The following VPS13B variants were observed in gnomAD, a reference collection of about 807,000 sequenced individuals.
VPS13B encodes the protein intermembrane lipid transfer protein VPS13B.
VPS13B carries 285 observed loss-of-function variants against 426.4 expected under a neutral mutation model. That is an observed-to-expected ratio of 0.67 (90% confidence interval 0.61 to 0.74). The LOEUF is 0.74. VPS13B is among the 30% of genes least tolerant of loss of function. VPS13B has a pLI of 0.00. For synonymous variants in VPS13B, 1,676 were observed against 1,676.4 expected, an observed-to-expected ratio of 1.00 and a Z score of 0.01; for missense variants, 4,537 against 4,782.6, an observed-to-expected ratio of 0.95 and a Z score of 1.51.
chr8:99,198,315 T>A (rs758194854), intron 17 of VPS13B, among the ~76,000 whole-genome samples: 20 of 152,164 alleles, frequency 1.3e-4, no homozygotes, highest in Non-Finnish European at 2.5e-4. Flanking sequence ...TTCAGAGTAT[T>A]TTTTGGTTTA....
intron 39 of VPS13B, among the ~76,000 whole-genome samples, chr8:99,731,618 G>A (rs1042648983): frequency 2.6e-5 from 4 of 152,148 alleles, no homozygotes; most frequent in African/African-American, 9.7e-5. Context: ...AAGAAGACCT[G>A]GTAAGGGTCT....
intron 17 of VPS13B, among the ~76,000 whole-genome samples, chr8:99,230,499 T>C (rs1020807302): frequency 6.6e-6 from 1 of 152,224 alleles, no homozygotes; most frequent in Non-Finnish European, 1.5e-5. Context: ...TTTATTCATG[T>C]TGATTCTTAT....
intron 19 of VPS13B, among the ~76,000 whole-genome samples, chr8:99,300,965 T>C (rs964271526): frequency 4.6e-5 from 7 of 150,840 alleles, no homozygotes; most frequent in Non-Finnish European, 1.0e-4. Flanking sequence ...GGCGTGTGCC[T>C]GTAATCCCAG....
rs1223624956 is a variant in VPS13B, at chr8:99,832,461, G to C, written c.9423G>C (p.Leu3141Phe). The C allele has an allele frequency of 6.2e-7, 1 of 1,606,294 alleles. No homozygotes were observed. Among genetic ancestry groups the C allele is most frequent in the East Asian group, 2.3e-5 (1 of 44,308 alleles). The part of the protein sequence containing the change: ...MKSSSLPCWD[L>F]MPDISQSVLD... Reference sequence around the variant, plus strand: ...CCAGCTCCCTTCCTTGCTGGGACTTGATGCCTGACATCAGTCAGTCAGTAC... The same window carrying C: ...CCAGCTCCCTTCCTTGCTGGGACTTCATGCCTGACATCAGTCAGTCAGTAC... Residue 3141 changes from leucine to phenylalanine, a missense_variant, in exon 52 of 62, where the codon TTG becomes TTC. Coordinates refer to ENST00000357162, the MANE Select transcript of VPS13B (RefSeq NM_152564.5).
chr8:99,083,046 C>T (rs932876671), intron 3 of VPS13B, among the ~76,000 whole-genome samples: 8 of 152,112 alleles, frequency 5.3e-5, no homozygotes, highest in Admixed American at 2.0e-4. Flanking sequence ...TATAAATTAC[C>T]TTGGGCAGTA....
At chr8:99,235,275 C>G (rs1816576725) in intron 17 of VPS13B, among the ~76,000 whole-genome samples, 1 of 152,060 alleles carries the variant, frequency 6.6e-6, no homozygotes, top group South Asian at 2.1e-4. Flanking sequence ...AAATTGAGTA[C>G]CATGCTATCG....
At chr8:99,725,395 T>C (rs1473300752) in intron 39 of VPS13B, among the ~76,000 whole-genome samples, 1 of 152,142 alleles carries the variant, frequency 6.6e-6, no homozygotes, top group Non-Finnish European at 1.5e-5. Context: ...GGGCATTACA[T>C]TTTCATATGA....
chr8:99,071,086 C>T (rs1844828854), intron 3 of VPS13B, among the ~76,000 whole-genome samples: 1 of 152,088 alleles, frequency 6.6e-6, no homozygotes. Context: ...CAGGATTGGT[C>T]ATTGGTGCTT....
rs117143978 is a variant in VPS13B, at chr8:99,735,731, A to G, written c.7050+14684A>G. ...ACAGGAATCAACAAAGGAGTGGTCA[A>G]AAAGGAAGGCCGTGGAGGCAACAGT... is the stretch of plus-strand genomic sequence containing the variant. On this transcript the variant is annotated intron_variant, in intron 39 of 61. Transcript: ENST00000357162. Among the ~76,000 whole-genome samples the G allele has an allele frequency of 6.9e-3, 1,055 of 152,332 alleles. 4 individuals are homozygous for G. The highest frequency in any genetic ancestry group is 0.011 in the Non-Finnish European group (749 of 68,024).
intron 19 of VPS13B, among the ~76,000 whole-genome samples, chr8:99,362,060 C>T (rs954563052): frequency 6.6e-6 from 1 of 152,178 alleles, no homozygotes; most frequent in Admixed American, 6.5e-5. Context: ...TAAACTTTGA[C>T]CATGACTAGG....
At chr8:99,829,824 T>A (rs1162811960) in intron 51 of VPS13B, among the ~76,000 whole-genome samples, 2 of 152,240 alleles carry the variant, frequency 1.3e-5, no homozygotes, top group Non-Finnish European at 2.9e-5. Context: ...TTGCTTTCTG[T>A]TTGTTAGTTT....
chr8:99,042,277 A>G (rs2132233500), intron 3 of VPS13B, among the ~76,000 whole-genome samples: 1 of 152,248 alleles, frequency 6.6e-6, no homozygotes, highest in East Asian at 1.9e-4. Context: ...TCTCCTTTTT[A>G]GCTTAACTTC....
At chr8:99,700,269 G>A (rs1832210832) in intron 36 of VPS13B, among the ~76,000 whole-genome samples, 1 of 152,166 alleles carries the variant, frequency 6.6e-6, no homozygotes, top group Non-Finnish European at 1.5e-5. Flanking sequence ...GTTTCTCAAA[G>A]TGTGATCTCT....
intron 6 of VPS13B, among the ~76,000 whole-genome samples, chr8:99,113,034 C>G (rs1400832444): frequency 6.6e-6 from 1 of 151,398 alleles, no homozygotes; most frequent in Non-Finnish European, 1.5e-5. Flanking sequence ...CTCCCCTCCT[C>G]TCCCTCTCCC....
chr8:99,134,460 T>C (rs746964291), intron 8 of VPS13B, among the ~76,000 whole-genome samples, 172 bp from the exon 9 acceptor site: 85 of 152,148 alleles, frequency 5.6e-4, no homozygotes, highest in Non-Finnish European at 1.6e-4. Context: ...ATTCAACCTT[T>C]ATACCATGGA....
chr8:99,250,325 T>C (rs1319701631), intron 17 of VPS13B, among the ~76,000 whole-genome samples: 1 of 152,314 alleles, frequency 6.6e-6, no homozygotes, highest in Admixed American at 6.5e-5. Context: ...TAGCTTTTCT[T>C]CTCTTAGCAG....
intron 2 of VPS13B, among the ~76,000 whole-genome samples, chr8:99,028,147 A>C (rs1030247791): frequency 2.0e-5 from 3 of 152,172 alleles, no homozygotes; most frequent in South Asian, 2.1e-4. Context: ...CCGATTTCTC[A>C]ATCTTTTCCC....
chr8:99,400,910 G>A (rs1814998655), intron 21 of VPS13B, among the ~76,000 whole-genome samples: 1 of 152,150 alleles, frequency 6.6e-6, no homozygotes, highest in Non-Finnish European at 1.5e-5. Context: ...GACCTCAAGT[G>A]ATCCGTCCAT....
intron 3 of VPS13B, among the ~76,000 whole-genome samples, chr8:99,093,626 G>A (rs893293901): frequency 3.1e-4 from 46 of 150,690 alleles, no homozygotes; most frequent in African/African-American, 9.3e-4. Context: ...GAGAATATGC[G>A]GTGTTTGGTT....
Sources: gnomAD v4.1 joint callset for allele counts (sites outside exome capture counted in the v4.1 genomes callset) on GRCh38, gnomAD v4.1.1 for gene constraint, MANE v1.5 for transcripts, NCBI Gene and HGNC (gene_info 2026-07-23, HGNC 2026-07-21) for gene names.